Variants in RBKS observed in about 807,000 individuals in gnomAD.
RBKS encodes the protein ribokinase.
A neutral mutation model predicts 33.9 loss-of-function variants in RBKS; 33 were observed. That is an observed-to-expected ratio of 0.97 (90% CI 0.74 to 1.30). The LOEUF (loss-of-function observed/expected upper bound fraction) is 1.30. RBKS is among the 50% of genes most tolerant of loss of function. The pLI is 0.00. For synonymous variants in RBKS, 125 were observed against 143.0 expected (o/e 0.87, Z 0.90); for missense variants, 361 against 392.6 (o/e 0.92, Z 0.68).
intron 2 of RBKS, among the ~76,000 whole-genome samples, chr2:27,854,017 G>A (rs1190700879): frequency 6.6e-6 from 1 of 152,152 alleles, no homozygotes; most frequent in Non-Finnish European, 1.5e-5. Context: ...CAGTAATCTA[G>A]CACAGAAGGT....
At chr2:27,887,097 G>T (rs1284643257) in intron 1 of RBKS, among the ~76,000 whole-genome samples, 1 of 152,204 alleles carries the variant, frequency 6.6e-6, no homozygotes, top group Non-Finnish European at 1.5e-5. Context: ...AAAATAAAGA[G>T]ATTATTCTGA....
intron 2 of RBKS, among the ~76,000 whole-genome samples, chr2:27,855,584 A>C (rs7355639): frequency 0.012 from 1,840 of 152,342 alleles, 37 homozygotes; most frequent in African/African-American, 0.042. Flanking sequence ...CCTGGGAGGA[A>C]GACTTTCATT....
In RBKS at chr2:27,890,159, T is replaced by C; in HGVS notation, c.89+98A>G. On this transcript the variant is annotated intron_variant, in intron 1 of 7. Coordinates refer to ENST00000302188, the MANE Select transcript of RBKS (RefSeq NM_022128.3). This position sits in a 1 kb window ranked among gnomAD's most constrained non-coding sequence, Gnocchi z 4.8. ...TCATACCCAAAGCTAGCACTGTCTATCCCTGGAGACCCAGCGCCCAAAAGC... is the reference window on the plus strand; with the variant it reads ...TCATACCCAAAGCTAGCACTGTCTACCCCTGGAGACCCAGCGCCCAAAAGC... 2 of 1,115,310 alleles carry C rather than the reference T, an allele frequency of 1.8e-6. No individual in the cohort carries two copies. Among genetic ancestry groups the C allele is most frequent in the South Asian group, 2.7e-5 (2 of 75,262 alleles). 69.1% of individuals were successfully genotyped at this position (1,115,310 alleles called of 1,614,324 possible). A position where few individuals can be genotyped will look rare whatever the true frequency, so the allele number is the denominator to read the frequency against.
At chr2:27,784,129 G>C (rs1184224338) in intron 7 of RBKS, among the ~76,000 whole-genome samples, 2 of 146,090 alleles carry the variant, frequency 1.4e-5, no homozygotes, top group South Asian at 2.2e-4. Context: ...GACTACAGGC[G>C]CCCGCCACTA....
intron 1 of RBKS, among the ~76,000 whole-genome samples, chr2:27,888,649 T>C (rs1017088679): frequency 6.6e-6 from 1 of 152,214 alleles, no homozygotes; most frequent in Non-Finnish European, 1.5e-5. Flanking sequence ...AAAAGAGTCA[T>C]CACCAGTAAA....
rs1663911035 is a variant in RBKS, at chr2:27,858,714, C to G, written c.90-143G>C. 6 of 695,276 alleles carry G rather than the reference C, an allele frequency of 8.6e-6. No homozygotes were observed. In the South Asian group the frequency reaches 1.2e-4, roughly 14 times the overall value. The allele number at this position is 695,276 out of a possible 1,614,324, so 43.1% of individuals were successfully genotyped here. ...TATAAGCAGAAGCAACGAAGATTAT[C>G]TCTTCCTTTAGGATGACATTTAGTA... On this transcript the variant is annotated intron_variant, in intron 1 of 7. Transcript: ENST00000302188.
intron 1 of RBKS, among the ~76,000 whole-genome samples, chr2:27,868,671 T>G (rs1016167017): frequency 6.6e-6 from 1 of 152,234 alleles, no homozygotes; most frequent in Non-Finnish European, 1.5e-5. Context: ...TAGGTGATGT[T>G]ACACAGGAAA....
At position 27,810,043 on chromosome 2, in the gene RBKS, A is replaced by G; in HGVS notation, c.795+17524T>C. The G allele has an allele frequency of 2.3e-6, 3 of 1,304,228 alleles. No homozygotes were observed. The highest frequency in any genetic ancestry group is 3.0e-6 in the Non-Finnish European group (3 of 988,958). The allele number at this position is 1,304,228 out of a possible 1,614,324, so 80.8% of individuals were successfully genotyped here. ...CACTCTTGGGTCTTGAGCCAGGTCT[A>G]CACTGTGAAAATGAAGGAAGGAACT... is the stretch of plus-strand genomic sequence containing the variant. On this transcript the variant is annotated intron_variant, in intron 7 of 7. Transcript: ENST00000302188. The surrounding 1 kb of genome is among the most constrained non-coding windows in gnomAD (Gnocchi z 4.4).
At chr2:27,789,259 CT>C (rs924477778) in intron 7 of RBKS, among the ~76,000 whole-genome samples, 2 of 151,276 alleles carry the variant, frequency 1.3e-5, no homozygotes, top group East Asian at 1.9e-4. Context: ...GATTTCAGAT[CT>C]TTTTTTTTGG....
intron 2 of RBKS, among the ~76,000 whole-genome samples, chr2:27,856,262 C>G (rs1663854008): frequency 1.3e-5 from 2 of 152,174 alleles, no homozygotes; most frequent in Admixed American, 6.5e-5. Context: ...GACACACAGG[C>G]TAAAATCCAC....
chr2:27,831,771 T>TA (rs1678419946), intron 6 of RBKS, among the ~76,000 whole-genome samples: 1 of 152,018 alleles, frequency 6.6e-6, no homozygotes, highest in African/African-American at 2.4e-5. Flanking sequence ...CTACACAAAA[T>TA]AAAAAAATTA....
intron 5 of RBKS, among the ~76,000 whole-genome samples, chr2:27,841,766 CTTTTTCT>C (rs1186325889): frequency 1.0e-5 from 1 of 96,856 alleles, no homozygotes; most frequent in Admixed American, 1.1e-4. Context: ...ACACACTGTT[CTTTTTCT>C]TTTTTCTTTT....
chr2:27,794,140 A>G (rs1358350612), intron 7 of RBKS, among the ~76,000 whole-genome samples: 3 of 151,792 alleles, frequency 2.0e-5, no homozygotes, highest in Non-Finnish European at 4.4e-5. Flanking sequence ...TCTCTACCAA[A>G]TACAAAATTA....
intron 1 of RBKS, among the ~76,000 whole-genome samples, chr2:27,887,580 C>T (rs1395999156): frequency 6.6e-6 from 1 of 152,028 alleles, no homozygotes; most frequent in Non-Finnish European, 1.5e-5. Context: ...TCATAAGTAA[C>T]GAGAGATCAT....
At chr2:27,862,126 T>C (rs897537325) in intron 1 of RBKS, among the ~76,000 whole-genome samples, 5 of 151,884 alleles carry the variant, frequency 3.3e-5, no homozygotes, top group African/African-American at 1.2e-4. Flanking sequence ...TTTTTGTATT[T>C]TTTTATAGAG....
chr2:27,889,588 A>G (rs1277517253), intron 1 of RBKS, among the ~76,000 whole-genome samples: 2 of 152,180 alleles, frequency 1.3e-5, no homozygotes, highest in African/African-American at 4.8e-5. Context: ...CTAACTCAAC[A>G]ATTTTCATTT....
At chr2:27,813,468 C>T (rs188470532) in intron 7 of RBKS, among the ~76,000 whole-genome samples, 8 of 152,130 alleles carry the variant, frequency 5.3e-5, no homozygotes, top group Admixed American at 3.3e-4. Context: ...ATGAAAAATA[C>T]GGTTTCTAAA....
intron 1 of RBKS, chr2:27,861,613 T>C (rs185143776): frequency 1.1e-5 from 5 of 460,244 alleles, no homozygotes; most frequent in South Asian, 3.1e-5. Flanking sequence ...AATACACGAG[T>C]GAAGAAAATA....
At chr2:27,835,528 C>T (rs569359547) in intron 5 of RBKS, among the ~76,000 whole-genome samples, 1 of 146,716 alleles carries the variant, frequency 6.8e-6, no homozygotes, top group East Asian at 2.1e-4. Context: ...AAGTGATCCT[C>T]CCACCTCAGC....
Sources: gnomAD v4.1 joint callset for allele counts (sites outside exome capture counted in the v4.1 genomes callset) on GRCh38, gnomAD v4.1.1 for gene constraint, Gnocchi (gnomAD v3.1) non-coding constraint, MANE v1.5 for transcripts, NCBI Gene and HGNC (gene_info 2026-07-23, HGNC 2026-07-21) for gene names.